PSMB3: variants seen among roughly 807,000 people sequenced by gnomAD.
PSMB3 encodes the protein proteasome subunit beta type-3.
Under a neutral mutation model 23.3 loss-of-function variants are expected in PSMB3, and 5 were observed. The ratio of observed to expected loss-of-function variants is 0.21; its 90% confidence interval spans 0.11 to 0.45. PSMB3 has a LOEUF of 0.45. Among genes scored for constraint, PSMB3 ranks in the 20% least tolerant of loss-of-function variants. The pLI, the probability that PSMB3 is intolerant of heterozygous loss-of-function variation, is 0.99. For missense variants in PSMB3, 192 were observed against 277.9 expected, an observed-to-expected ratio of 0.69 and a Z score of 2.20; for synonymous variants, 85 against 99.8, an observed-to-expected ratio of 0.85 and a Z score of 0.88.
At chr17:38,762,032 G>A (rs781710943) in intron 4 of PSMB3, 8 of 188,316 alleles carry the variant, frequency 4.2e-5, no homozygotes, top group Non-Finnish European at 7.6e-5. Context: ...TGGGTTTTGA[G>A]GTACCTGTTA....
At chr17:38,757,427 G>A (rs1908251024) in intron 3 of PSMB3, among the ~76,000 whole-genome samples, 1 of 151,996 alleles carries the variant, frequency 6.6e-6, no homozygotes, top group Non-Finnish European at 1.5e-5. Context: ...GCTGAAGCAT[G>A]AGAATTGTTG....
In PSMB3 at chr17:38,757,580, G is replaced by T. The variant is rs574935243; in HGVS notation, c.296+1590G>T. Among the ~76,000 whole-genome samples, 700 of 151,752 alleles carry T rather than the reference G, an allele frequency of 4.6e-3. 4 individuals carry two copies. Among genetic ancestry groups the T allele is most frequent in the Non-Finnish European group, 6.9e-3 (467 of 67,926 alleles). Reference sequence around the variant, plus strand: ...GCCTGTAATCCCAGCACTTTGGGAGGCCAAGGTGGGCGGATCACGAGGTCA... The same window carrying T: ...GCCTGTAATCCCAGCACTTTGGGAGTCCAAGGTGGGCGGATCACGAGGTCA... On this transcript the variant is annotated intron_variant, in intron 3 of 5. Coordinates refer to ENST00000619426, the MANE Select transcript of PSMB3 (RefSeq NM_002795.4).
intron 3 of PSMB3, among the ~76,000 whole-genome samples, chr17:38,757,273 C>A (rs1399554679): frequency 6.6e-6 from 1 of 151,108 alleles, no homozygotes; most frequent in Non-Finnish European, 1.5e-5. Context: ...AATCCCAGTA[C>A]TTTGGGAGGC....
chr17:38,755,855 TTAC>T (rs1220092171), intron 2 of PSMB3, 25 bp from the exon 3 acceptor site: 1 of 1,575,256 alleles, frequency 6.3e-7, no homozygotes, highest in Non-Finnish European at 8.7e-7. Context: ...CAATAATGAC[TTAC>T]TAACTCACTT....
chr17:38,762,430 A>G lies in PSMB3; in HGVS notation c.494A>G (p.Glu165Gly). 6.2e-7 allele frequency: 1 copy of G among 1,614,152 alleles called. No homozygotes were observed. Among genetic ancestry groups the G allele is most frequent in the Non-Finnish European group, 8.5e-7 (1 of 1,179,998 alleles). Residue 165 changes from glutamate to glycine, a missense_variant, in exon 5 of 6, where the codon GAA becomes GGA. By Grantham distance (98) the Glu-to-Gly change is moderately conservative (BLOSUM62 -2). Transcript: ENST00000619426. ...EPNMDPDHLF[E>G]TISQAMLNAV... ...TGGCAGGATCCGGATCACCTGTTTG[A>G]AACCATCTCCCAAGCCATGCTGAAT...
chr17:38,763,782 A>G (rs935653276), intron 5 of PSMB3, among the ~76,000 whole-genome samples: 14 of 152,066 alleles, frequency 9.2e-5, no homozygotes, highest in African/African-American at 3.4e-4. Context: ...GATTGCAAGC[A>G]TGAGCCACCG....
chr17:38,755,821 A>G, intron 2 of PSMB3, 62 bp from the exon 3 acceptor site: 3 of 1,415,048 alleles, frequency 2.1e-6, no homozygotes, highest in Admixed American at 3.4e-5. Context: ...CCTGACCTCA[A>G]CAGGGTAGAC....
At chr17:38,762,706 G>A (rs934698906) in intron 5 of PSMB3, among the ~76,000 whole-genome samples, 1 of 152,190 alleles carries the variant, frequency 6.6e-6, no homozygotes, top group African/African-American at 2.4e-5. Context: ...CTGGCCTCTT[G>A]TCAGGTGAGG....
In PSMB3 at chr17:38,752,976, G is replaced by C. The variant is rs969465514; in HGVS notation, c.3+147G>C. ...GAGCGGGCCCCGGTGAGGACCAAGA[G>C]GGTGAGTGCGGCTCATTGCCGCCAC... On this transcript the variant is annotated intron_variant, in intron 1 of 5. Coordinates refer to ENST00000619426, the MANE Select transcript of PSMB3 (RefSeq NM_002795.4). The surrounding 1 kb of genome is among the most constrained non-coding windows in gnomAD (Gnocchi z 5.5). 2.2e-6 allele frequency: 3 copies of C among 1,335,150 alleles called. No individual in the cohort carries two copies. Among genetic ancestry groups the C allele is most frequent in the Non-Finnish European group, 3.1e-6 (3 of 966,596 alleles). 82.7% of individuals were successfully genotyped at this position (1,335,150 alleles called of 1,614,324 possible).
intron 3 of PSMB3, 100 bp from the exon 4 acceptor site, chr17:38,760,331 T>TTGGGTC (rs1489370593): frequency 1.3e-5 from 18 of 1,341,396 alleles, no homozygotes; most frequent in Non-Finnish European, 1.7e-5. Context: ...CCATTTCCCT[T>TTGGGTC]TGGGTCTGGG....
intron 2 of PSMB3, among the ~76,000 whole-genome samples, 170 bp from the exon 3 acceptor site, chr17:38,755,713 T>TGTGC (rs1908165089): frequency 1.7e-5 from 2 of 116,522 alleles, no homozygotes; most frequent in African/African-American, 6.6e-5. Flanking sequence ...TGTGTGTGTG[T>TGTGC]GTGCTGCCAA....
chr17:38,763,418 A>G (rs1053019122), intron 5 of PSMB3, among the ~76,000 whole-genome samples: 37 of 149,470 alleles, frequency 2.5e-4, no homozygotes, highest in African/African-American at 9.1e-4. Flanking sequence ...GTTTTTTTTT[A>G]TGTTCTTTGG....
chr17:38,753,183 G>T lies in PSMB3; in HGVS notation c.37G>T (p.Ala13Ser). Residue 13 changes from alanine (A) to serine (S), a missense_variant, in exon 2 of 6, where the codon GCC (alanine) becomes TCC (serine). Coordinates refer to ENST00000619426, the MANE Select transcript of PSMB3 (RefSeq NM_002795.4). ...GTCCTATAACGGAGGGGCCGTCATG[G>T]CCATGAAGGGGAAGAACTGTGTGGC... ...IMSYNGGAVM[A>S]MKGKNCVAIA... The T allele has an allele frequency of 6.2e-7, 1 of 1,614,236 alleles. No homozygotes were observed. The highest frequency in any genetic ancestry group is 8.5e-7 in the Non-Finnish European group (1 of 1,180,032).
In PSMB3 at chr17:38,760,622, A is replaced by C. The variant is rs1179898344; in HGVS notation, c.474+14A>C. On this transcript the variant is annotated intron_variant, in intron 4 of 5. Coordinates refer to ENST00000619426, the MANE Select transcript of PSMB3 (RefSeq NM_002795.4). ...GAGCCCAACATGGTACGTTGGTGGC[A>C]TGGAGAGGGGCTGGGCTCTGAGTTA... The C allele has an allele frequency of 6.2e-7, 1 of 1,614,134 alleles. No individual in the cohort carries two copies. Among genetic ancestry groups the C allele is most frequent in the Non-Finnish European group, 8.5e-7 (1 of 1,179,986 alleles).
rs66894167 is a variant in PSMB3, at chr17:38,755,646, TAAAA to T, written c.189-226_189-223del. Among the ~76,000 whole-genome samples the T allele has an allele frequency of 7.9e-3, 527 of 66,394 alleles. 5 individuals are homozygous for T. Among genetic ancestry groups the T allele is most frequent in the African/African-American group, 0.029 (504 of 17,556 alleles). The allele number at this position is 66,394 out of a possible 152,430, so 43.6% of individuals were successfully genotyped here. On this transcript the variant is annotated intron_variant, in intron 2 of 5. Coordinates refer to ENST00000619426, the MANE Select transcript of PSMB3 (RefSeq NM_002795.4). Reference sequence around the variant, plus strand: ...CCTGGGCGACGAGTGAGACTCCGTCTAAAAAAAAAAAAAATATATATATATATAT... The same window carrying T: ...CCTGGGCGACGAGTGAGACTCCGTCTAAAAAAAAAATATATATATATATAT...
chr17:38,753,278 C>T lies in PSMB3; in HGVS notation c.132C>T (p.Pro44=). 3 of 1,614,162 alleles carry T rather than the reference C, an allele frequency of 1.9e-6. No homozygotes were observed. Among genetic ancestry groups the T allele is most frequent in the South Asian group, 1.1e-5 (1 of 91,080 alleles). Residue 44 remains proline (P), a synonymous_variant, in exon 2 of 6, where the codon CCC becomes CCT. Transcript: ENST00000619426. Reference sequence around the variant, plus strand: ...CCACGGACTTCCAGAAGATCTTTCCCATGGGTGACCGGCTGTACATCGGTC... The same window carrying T: ...CCACGGACTTCCAGAAGATCTTTCCTATGGGTGACCGGCTGTACATCGGTC... ...MVTTDFQKIF[P]MGDRLYIGLA...
At chr17:38,753,381 A>G in intron 2 of PSMB3, 47 bp downstream of exon 2, 1 of 1,572,036 alleles carries the variant, frequency 6.4e-7, no homozygotes, top group Non-Finnish European at 8.6e-7. Flanking sequence ...TTCTTGGACC[A>G]TCCAACCCCG....
At chr17:38,757,321 C>A (rs1023611361) in intron 3 of PSMB3, among the ~76,000 whole-genome samples, 1 of 148,720 alleles carries the variant, frequency 6.7e-6, no homozygotes, top group African/African-American at 2.5e-5. Flanking sequence ...GAGTTCGAGA[C>A]CAGCCTGGTC....
chr17:38,763,492 TCC>T (rs1172013272), intron 5 of PSMB3, among the ~76,000 whole-genome samples: 2 of 135,780 alleles, frequency 1.5e-5, no homozygotes, highest in South Asian at 2.5e-4. Context: ...AGGAGCTTCT[TCC>T]CCCTTTTTTT....
Sources: gnomAD v4.1 joint callset for allele counts (sites outside exome capture counted in the v4.1 genomes callset) on GRCh38, gnomAD v4.1.1 for gene constraint, Gnocchi (gnomAD v3.1) non-coding constraint, MANE v1.5 for transcripts, NCBI Gene and HGNC (gene_info 2026-07-23, HGNC 2026-07-21) for gene names.